Variants in IL3RA observed in about 807,000 individuals in gnomAD.
The protein encoded by IL3RA is interleukin-3 receptor subunit alpha.
A neutral mutation model predicts 52.3 loss-of-function variants in IL3RA; 73 were observed. The observed-to-expected ratio is 1.40, with a 90% CI of 1.16 to 1.70. IL3RA has a LOEUF of 1.70. Ranked by LOEUF, IL3RA falls within the 40% of genes most tolerant of loss-of-function variation. The pLI, the probability that IL3RA is intolerant of heterozygous loss-of-function variation, is 0.00. For missense variants in IL3RA, 664 were observed against 504.4 expected, an observed-to-expected ratio of 1.32 and a Z score of -3.03; for synonymous variants, 260 against 194.0, an observed-to-expected ratio of 1.34 and a Z score of -2.83.
At chrX:1,360,831 C>G (rs1351328006) in intron 8 of IL3RA, among the ~76,000 whole-genome samples, 2 of 151,744 alleles carry the variant, frequency 1.3e-5, no homozygotes, top group Non-Finnish European at 2.9e-5. Context: ...CCCGGCCCCT[C>G]TCTTTATCTT....
chrX:1,356,890 T>C (rs748648332), intron 7 of IL3RA, among the ~76,000 whole-genome samples: 4 of 152,288 alleles, frequency 2.6e-5, no homozygotes, highest in African/African-American at 7.2e-5. Flanking sequence ...TGTAGTGATC[T>C]ACAGATTCAA....
chrX:1,356,153 AAAGAG>A (rs1170522605), intron 6 of IL3RA, 63 bp from the exon 7 acceptor site: 1 of 1,046,540 alleles, frequency 9.6e-7, no homozygotes, highest in African/African-American at 1.6e-5. Context: ...CCAGAAAAAA[AAAGAG>A]AAAAAGAAAA....
At chrX:1,357,576 C>T (rs1433707446) in intron 7 of IL3RA, among the ~76,000 whole-genome samples, 2 of 150,968 alleles carry the variant, frequency 1.3e-5, no homozygotes, top group Non-Finnish European at 2.9e-5. Flanking sequence ...CTTGTCCTGG[C>T]TGGTCTTGAA....
At position 1,360,675 on chromosome X, in the gene IL3RA, T is replaced by C. The variant is rs1418227246; in HGVS notation, c.759+1788T>C. On this transcript the variant is annotated intron_variant, in intron 8 of 11. Coordinates refer to ENST00000331035, the MANE Select transcript of IL3RA (RefSeq NM_002183.4). ...CTGGGATTACAGGCACTCGCCACCA[T>C]GCCCAACTAACTTTTTTTTTTTTTT... Among the ~76,000 whole-genome samples the C allele has an allele frequency of 1.0e-4, 15 of 148,752 alleles. 1 individual carries two copies. The highest frequency in any genetic ancestry group is 2.1e-4 in the South Asian group (1 of 4,796).
intron 9 of IL3RA, among the ~76,000 whole-genome samples, chrX:1,374,165 G>C (rs1417062090): frequency 3.8e-5 from 1 of 26,092 alleles, no homozygotes; most frequent in Non-Finnish European, 5.9e-5. Flanking sequence ...CAGCCTCCAG[G>C]GCTGTGGGAG....
intron 3 of IL3RA, among the ~76,000 whole-genome samples, chrX:1,346,255 A>G (rs1387679996): frequency 6.6e-6 from 1 of 151,850 alleles, no homozygotes; most frequent in East Asian, 1.9e-4. Context: ...TCTGGGCAAC[A>G]TGGTGAAACC....
At chrX:1,359,579 T>C (rs1392387602) in intron 8 of IL3RA, among the ~76,000 whole-genome samples, 2 of 148,062 alleles carry the variant, frequency 1.4e-5, no homozygotes, top group East Asian at 2.1e-4. Flanking sequence ...TATCTCTCCC[T>C]GTCCCCATCT....
At chrX:1,362,311 T>C (rs1240301805) in intron 8 of IL3RA, among the ~76,000 whole-genome samples, 2 of 149,700 alleles carry the variant, frequency 1.3e-5, no homozygotes, top group Non-Finnish European at 3.0e-5. Context: ...CTGTGTCTCT[T>C]TGTATCTCCG....
chrX:1,379,968 C>G (rs1377160407), intron 10 of IL3RA, among the ~76,000 whole-genome samples: 3 of 152,158 alleles, frequency 2.0e-5, no homozygotes, highest in African/African-American at 7.2e-5. Flanking sequence ...CCGTGTTGGT[C>G]AGGCTGGTCT....
chrX:1,353,943 ACCC>A (rs762596930), intron 6 of IL3RA, among the ~76,000 whole-genome samples: 1,116 of 42,666 alleles, frequency 0.026, 91 homozygotes, highest in African/African-American at 0.1. Context: ...GGGTCATGGG[ACCC>A]CCCCCCCCAT....
intron 3 of IL3RA, among the ~76,000 whole-genome samples, chrX:1,346,517 G>T (rs2085750031): frequency 6.6e-6 from 1 of 151,930 alleles, no homozygotes; most frequent in Non-Finnish European, 1.5e-5. Context: ...TGAGGCAGGA[G>T]AATTGCTTGA....
intron 7 of IL3RA, among the ~76,000 whole-genome samples, chrX:1,357,224 G>A (rs1362778484): frequency 4.6e-5 from 7 of 152,104 alleles, no homozygotes; most frequent in Non-Finnish European, 8.8e-5. Flanking sequence ...AAAGTGCTGG[G>A]ATTACAGGTG....
chrX:1,361,071 C>G (rs866532405), intron 8 of IL3RA, among the ~76,000 whole-genome samples: 39 of 121,092 alleles, frequency 3.2e-4, no homozygotes, highest in Non-Finnish European at 5.6e-4. Flanking sequence ...CCCTCTCTGT[C>G]TCTCTCTCCC....
chrX:1,358,987 T>A, intron 8 of IL3RA, 100 bp downstream of exon 8: 1 of 813,354 alleles, frequency 1.2e-6, no homozygotes, highest in Non-Finnish European at 1.7e-6. Flanking sequence ...TAATTCTTAT[T>A]AATAAAATAA....
At chrX:1,358,241 T>G (rs1437214307) in intron 7 of IL3RA, among the ~76,000 whole-genome samples, 2 of 152,296 alleles carry the variant, frequency 1.3e-5, no homozygotes, top group Non-Finnish European at 2.9e-5. Context: ...TTCGCTGGCC[T>G]GGCATAGGCT....
intron 1 of IL3RA, among the ~76,000 whole-genome samples, chrX:1,337,594 T>C (rs1393717404): frequency 6.6e-6 from 1 of 151,218 alleles, no homozygotes; most frequent in Non-Finnish European, 1.5e-5. Flanking sequence ...CAAGCAGCTT[T>C]ATTCACAATA....
At chrX:1,360,497 T>A (rs1676522814) in intron 8 of IL3RA, among the ~76,000 whole-genome samples, 1 of 151,896 alleles carries the variant, frequency 6.6e-6, no homozygotes, top group South Asian at 2.1e-4. Flanking sequence ...TCTCTGTATC[T>A]CTCTCCCTTT....
At chrX:1,363,189 T>C (rs1432848743) in intron 8 of IL3RA, among the ~76,000 whole-genome samples, 6 of 152,150 alleles carry the variant, frequency 3.9e-5, no homozygotes, top group African/African-American at 1.4e-4. Context: ...AGGTATTTCA[T>C]CATAAGGCCC....
rs761393388 is a variant in IL3RA at position 1,344,891 on chromosome X, G to T, written c.65-425G>T. On this transcript the variant is annotated intron_variant, in intron 2 of 11. Coordinates refer to ENST00000331035, the MANE Select transcript of IL3RA (RefSeq NM_002183.4). Reference sequence around the variant, plus strand: ...TGTTTTAAGATTGTTGACCTGGTGCGGTGGCTCATGCCTGTAATCCCAGCA... The same window carrying T: ...TGTTTTAAGATTGTTGACCTGGTGCTGTGGCTCATGCCTGTAATCCCAGCA... 3.4e-5 allele frequency among the ~76,000 whole-genome samples: 5 copies of T among 148,554 alleles called. No individual in the cohort carries two copies. In the Admixed American group the frequency reaches 3.4e-4, roughly 10 times the overall value.
Sources: gnomAD v4.1 joint callset for allele counts (sites outside exome capture counted in the v4.1 genomes callset) on GRCh38, gnomAD v4.1.1 for gene constraint, MANE v1.5 for transcripts, NCBI Gene and HGNC (gene_info 2026-07-23, HGNC 2026-07-21) for gene names.